The following SNX7 variants were observed in gnomAD, a reference collection of about 807,000 sequenced individuals.
The protein encoded by SNX7 is sorting nexin 7.
SNX7 carries 35 observed loss-of-function variants against 48.4 expected under a neutral mutation model. The observed-to-expected ratio is 0.72, with a 90% CI of 0.55 to 0.96. The LOEUF (loss-of-function observed/expected upper bound fraction) is 0.96, where lower values mean the gene tolerates loss of function less well. SNX7 is among the 40% of genes least tolerant of loss of function. The pLI, the probability that SNX7 is intolerant of heterozygous loss-of-function variation, is 0.00. For synonymous variants in SNX7, 190 were observed against 190.2 expected, an observed-to-expected ratio of 1.00 and a Z score of 0.01; for missense variants, 553 against 548.9, an observed-to-expected ratio of 1.01 and a Z score of -0.07.
At chr1:98,664,952 C>T (rs1011572620) in intron 1 of SNX7, among the ~76,000 whole-genome samples, 3 of 152,122 alleles carry the variant, frequency 2.0e-5, no homozygotes, top group African/African-American at 7.2e-5. Flanking sequence ...TGAGATGAGG[C>T]TTCCAAAAAA....
chr1:98,675,418 T>C (rs1309643232), intron 1 of SNX7, among the ~76,000 whole-genome samples: 1 of 152,224 alleles, frequency 6.6e-6, no homozygotes, highest in Non-Finnish European at 1.5e-5. Context: ...AATTTCAGCC[T>C]GTAATTTTCT....
intron 2 of SNX7, among the ~76,000 whole-genome samples, chr1:98,686,176 GCTT>G (rs1272862165): frequency 6.6e-6 from 1 of 152,122 alleles, no homozygotes; most frequent in Non-Finnish European, 1.5e-5. Flanking sequence ...GCCTGTGAAA[GCTT>G]CTCTAGTTGT....
At chr1:98,756,357 C>T (rs1285972906) in intron 8 of SNX7, among the ~76,000 whole-genome samples, 1 of 138,202 alleles carries the variant, frequency 7.2e-6, no homozygotes, top group South Asian at 2.3e-4. Flanking sequence ...GTACTCATGT[C>T]GTTACTATGT....
At chr1:98,678,861 G>T (rs186486456) in intron 1 of SNX7, among the ~76,000 whole-genome samples, 6 of 152,100 alleles carry the variant, frequency 3.9e-5, no homozygotes, top group Admixed American at 3.3e-4. Context: ...CCTATTGATG[G>T]TATCAACATT....
intron 1 of SNX7, among the ~76,000 whole-genome samples, chr1:98,667,828 T>C (rs1034508049): frequency 6.6e-6 from 1 of 152,104 alleles, no homozygotes; most frequent in South Asian, 2.1e-4. Flanking sequence ...GACGATTACA[T>C]GCCCTAATAT....
chr1:98,671,035 T>G (rs1432970472), intron 1 of SNX7, among the ~76,000 whole-genome samples: 3 of 152,228 alleles, frequency 2.0e-5, no homozygotes, highest in African/African-American at 7.2e-5. Context: ...AGTTTTATGT[T>G]TGTATCCTTG....
intron 8 of SNX7, among the ~76,000 whole-genome samples, chr1:98,739,078 G>T (rs953125680): frequency 1.3e-5 from 2 of 152,208 alleles, no homozygotes; most frequent in South Asian, 4.1e-4. Context: ...TAGGTGGGGG[G>T]CGGGGTTAGT....
chr1:98,731,343 G>A (rs547548003), intron 7 of SNX7, among the ~76,000 whole-genome samples: 2 of 151,972 alleles, frequency 1.3e-5, no homozygotes, highest in Admixed American at 6.6e-5. Flanking sequence ...TAGACAGGAA[G>A]AATATTTATT....
chr1:98,718,923 T>C (rs1300458615), intron 7 of SNX7, among the ~76,000 whole-genome samples: 1 of 152,184 alleles, frequency 6.6e-6, no homozygotes, highest in African/African-American at 2.4e-5. Flanking sequence ...GTGCAGAATT[T>C]ATTTAACCTG....
At chr1:98,680,193 C>T (rs572659484) in intron 1 of SNX7, among the ~76,000 whole-genome samples, 38 of 152,332 alleles carry the variant, frequency 2.5e-4, no homozygotes, top group South Asian at 6.2e-4. Flanking sequence ...TTGAGGCTTG[C>T]ACCCTCTGAA....
chr1:98,698,697 T>G lies in SNX7; in HGVS notation c.839-9T>G, dbSNP rs1425365840. On this transcript the variant is annotated splice_polypyrimidine_tract_variant and intron_variant, in intron 5 of 8. Coordinates refer to ENST00000306121, the MANE Select transcript of SNX7 (RefSeq NM_015976.5). ...TTGAAGAGCTTATTAAGTCTTTTTT[T>G]TTTTTTAGAATATTTTGATGAAATG... 6.2e-7 allele frequency: 1 copy of G among 1,600,876 alleles called. No homozygotes were observed.
intron 8 of SNX7, among the ~76,000 whole-genome samples, chr1:98,752,823 C>T (rs1654653032): frequency 6.6e-6 from 1 of 152,034 alleles, no homozygotes; most frequent in Non-Finnish European, 1.5e-5. Context: ...CATACCCTCA[C>T]CTTTTGTAAA....
At chr1:98,674,333 A>G (rs140392833) in intron 1 of SNX7, among the ~76,000 whole-genome samples, 375 of 152,280 alleles carry the variant, frequency 2.5e-3, no homozygotes, top group Non-Finnish European at 4.7e-3. Flanking sequence ...GAAGTCTGAC[A>G]TCAAGAAGTC....
At chr1:98,680,694 C>T (rs1279279061) in intron 1 of SNX7, among the ~76,000 whole-genome samples, 1 of 152,174 alleles carries the variant, frequency 6.6e-6, no homozygotes, top group Non-Finnish European at 1.5e-5. Context: ...GGGCAAAATG[C>T]CACCAGTCTC....
Position 98,691,937 on chromosome 1 carries a change from A to ACACACACTCTCT in SNX7, c.639+239_639+240insACACACTCTCTC, listed in dbSNP as rs376006567. ...TATACACACACACACACACACACAC[A>ACACACACTCTCT]CTCTCTCTCTCTCTCTCTCTCTCTC... On this transcript the variant is annotated intron_variant, in intron 4 of 8. Coordinates refer to ENST00000306121, the MANE Select transcript of SNX7 (RefSeq NM_015976.5). Among the ~76,000 whole-genome samples, 220 of 131,164 alleles carry ACACACACTCTCT rather than the reference A, an allele frequency of 1.7e-3. 1 individual carries two copies. Among genetic ancestry groups the ACACACACTCTCT allele is most frequent in the South Asian group, 2.1e-3 (8 of 3,754 alleles). The allele number at this position is 131,164 out of a possible 152,430, so 86.0% of individuals were successfully genotyped here. A position where few individuals can be genotyped will look rare whatever the true frequency, so the allele number is the denominator to read the frequency against.
intron 1 of SNX7, among the ~76,000 whole-genome samples, chr1:98,668,706 A>C (rs1184301627): frequency 6.6e-6 from 1 of 152,210 alleles, no homozygotes; most frequent in Admixed American, 6.5e-5. Context: ...TAATTCTTTT[A>C]ATAACTCCTT....
At position 98,751,514 on chromosome 1, in the gene SNX7, A is replaced by G. The variant is rs374538583; in HGVS notation, c.1279-8540A>G. Among the ~76,000 whole-genome samples the G allele has an allele frequency of 7.4e-4, 112 of 152,054 alleles. 1 individual carries two copies. The highest frequency in any genetic ancestry group is 2.9e-3 in the South Asian group (14 of 4,824). On this transcript the variant is annotated intron_variant, in intron 8 of 8. Transcript: ENST00000306121. ...TTCCTGTGGTGGCTCTCTTTCTCTG[A>G]GTTCTCTCCTCAAAGAGAAATTGCA...
intron 5 of SNX7, 51 bp from the exon 6 acceptor site, chr1:98,698,655 T>C: frequency 6.6e-7 from 1 of 1,523,492 alleles, no homozygotes; most frequent in Non-Finnish European, 8.9e-7. Context: ...TACAGGTATT[T>C]TGAAAACTTT....
chr1:98,661,755 G>GCAGGCGCCCTCCTCGGGCCTCC lies in SNX7; in HGVS notation c.26_47dup (p.Ala17GlyfsTer79), dbSNP rs1649229815. The GCAGGCGCCCTCCTCGGGCCTCC allele has an allele frequency of 8.1e-7, 1 of 1,237,012 alleles. No individual in the cohort carries two copies. The highest frequency in any genetic ancestry group is 1.6e-5 in the African/African-American group (1 of 64,204). The allele number at this position is 1,237,012 out of a possible 1,614,324, so 76.6% of individuals were successfully genotyped here. ...GGATGGAGGGCGAGCGCCGGGCATC[G>GCAGGCGCCCTCCTCGGGCCTCC]CAGGCGCCCTCCTCGGGCCTCCCGG... On this transcript the variant is annotated frameshift_variant, in exon 1 of 9. Transcript: ENST00000306121. LOFTEE classifies it high-confidence loss of function.
Sources: gnomAD v4.1 joint callset for allele counts (sites outside exome capture counted in the v4.1 genomes callset) on GRCh38, gnomAD v4.1.1 for gene constraint, MANE v1.5 for transcripts, NCBI Gene and HGNC (gene_info 2026-07-23, HGNC 2026-07-21) for gene names.